The following PCDH9 variants were observed in gnomAD, a reference collection of about 807,000 sequenced individuals.
PCDH9 encodes protocadherin-9.
PCDH9 carries 24 observed loss-of-function variants against 70.6 expected under a neutral mutation model. The observed-to-expected ratio is 0.34, with a 90% confidence interval of 0.25 to 0.48. The LOEUF is 0.48. Ranked by LOEUF, PCDH9 falls within the 20% of genes least tolerant of loss-of-function variation. The pLI, the probability that PCDH9 is intolerant of heterozygous loss-of-function variation, is 0.99. For synonymous variants in PCDH9, 562 were observed against 558.5 expected (o/e 1.01, Z -0.09); for missense variants, 1,281 against 1,503.6 (o/e 0.85, Z 2.45).
chr13:66,632,101 G>T (rs993013246), intron 3 of PCDH9, among the ~76,000 whole-genome samples: 3 of 152,028 alleles, frequency 2.0e-5, no homozygotes, highest in African/African-American at 7.3e-5. Flanking sequence ...CACCATGTTG[G>T]CCAGGCTGAT....
chr13:67,067,253 AGTAT>A (rs1395285037), intron 2 of PCDH9, among the ~76,000 whole-genome samples: 4 of 152,220 alleles, frequency 2.6e-5, no homozygotes, highest in African/African-American at 9.6e-5. Context: ...CTCAGTAAGA[AGTAT>A]GTATGCCACA....
chr13:67,104,562 T>G (rs1027444719), intron 2 of PCDH9, among the ~76,000 whole-genome samples: 1 of 152,204 alleles, frequency 6.6e-6, no homozygotes, highest in African/African-American at 2.4e-5. Flanking sequence ...ATTTTTTTTT[T>G]TTTTGAGACG....
intron 4 of PCDH9, among the ~76,000 whole-genome samples, chr13:66,476,626 C>G (rs1958735379): frequency 6.6e-6 from 1 of 151,948 alleles, no homozygotes; most frequent in South Asian, 2.1e-4. Context: ...ATCTCTGTCA[C>G]AAAGTGGACA....
chr13:66,983,388 T>C (rs2083817039), intron 2 of PCDH9, among the ~76,000 whole-genome samples: 1 of 152,096 alleles, frequency 6.6e-6, no homozygotes, highest in Admixed American at 6.6e-5. Flanking sequence ...TTACTATCCA[T>C]TAGAGTTGGG....
chr13:66,675,223 C>A (rs934497319), intron 3 of PCDH9, among the ~76,000 whole-genome samples: 1 of 152,078 alleles, frequency 6.6e-6, no homozygotes, highest in Non-Finnish European at 1.5e-5. Flanking sequence ...AGTCACTAAA[C>A]ACAAGTGACA....
chr13:67,157,318 A>G (rs1239325463), intron 2 of PCDH9, among the ~76,000 whole-genome samples: 2 of 152,222 alleles, frequency 1.3e-5, no homozygotes, highest in Non-Finnish European at 2.9e-5. Flanking sequence ...ATTAAATTGC[A>G]AATTTCTTGG....
intron 2 of PCDH9, among the ~76,000 whole-genome samples, chr13:66,919,304 T>G (rs1397707800): frequency 1.3e-5 from 2 of 151,186 alleles, no homozygotes; most frequent in African/African-American, 2.4e-5. Flanking sequence ...TCTTCAGGCA[T>G]CTTAAAACAA....
intron 4 of PCDH9, among the ~76,000 whole-genome samples, chr13:66,375,770 T>C (rs1406917614): frequency 6.6e-6 from 1 of 152,098 alleles, no homozygotes; most frequent in Non-Finnish European, 1.5e-5. Context: ...TATAAAATCA[T>C]TATATCTGAG....
intron 3 of PCDH9, among the ~76,000 whole-genome samples, chr13:66,790,508 A>G (rs7998322): frequency 0.073 from 11,114 of 152,092 alleles, 1,321 homozygotes; most frequent in African/African-American, 0.25. Context: ...CTATGAAGAT[A>G]TATTTCTATA....
At chr13:66,390,359 T>C (rs1057117598) in intron 4 of PCDH9, among the ~76,000 whole-genome samples, 1 of 152,102 alleles carries the variant, frequency 6.6e-6, no homozygotes, top group Non-Finnish European at 1.5e-5. Flanking sequence ...TTAGATCACA[T>C]TCTCTACTAG....
chr13:66,895,782 T>G (rs560198551), intron 3 of PCDH9, among the ~76,000 whole-genome samples: 2 of 152,250 alleles, frequency 1.3e-5, no homozygotes, highest in Non-Finnish European at 1.5e-5. Context: ...ACACCTGTTT[T>G]GTACTCTACA....
At chr13:66,942,577 A>C (rs76445851) in intron 2 of PCDH9, among the ~76,000 whole-genome samples, 1 of 152,136 alleles carries the variant, frequency 6.6e-6, no homozygotes, top group Non-Finnish European at 1.5e-5. Flanking sequence ...TCAAAGTTTT[A>C]AGGAATTGTT....
At chr13:66,326,456 T>C (rs1262518427) in intron 4 of PCDH9, among the ~76,000 whole-genome samples, 1 of 149,930 alleles carries the variant, frequency 6.7e-6, no homozygotes, top group African/African-American at 2.5e-5. Context: ...TCTTGCTCCG[T>C]CGCCCAGGCT....
chr13:67,157,384 T>C (rs2087842910), intron 2 of PCDH9, among the ~76,000 whole-genome samples: 1 of 152,232 alleles, frequency 6.6e-6, no homozygotes, highest in Non-Finnish European at 1.5e-5. Context: ...AAGACATACA[T>C]ATACTAACTG....
At chr13:66,642,617 G>A (rs958011334) in intron 3 of PCDH9, among the ~76,000 whole-genome samples, 1 of 151,918 alleles carries the variant, frequency 6.6e-6, no homozygotes. Context: ...CAGCCTCAAG[G>A]TGTCAACACT....
chr13:66,737,390 G>T (rs1036887431), intron 3 of PCDH9, among the ~76,000 whole-genome samples: 5 of 152,156 alleles, frequency 3.3e-5, no homozygotes, highest in African/African-American at 1.2e-4. Context: ...TTAATTAAAA[G>T]TTATTGGTGG....
At chr13:66,740,979 T>G (rs1352431876) in intron 3 of PCDH9, among the ~76,000 whole-genome samples, 1 of 74,686 alleles carries the variant, frequency 1.3e-5, no homozygotes, top group African/African-American at 4.9e-5. Context: ...GAATCCTCCC[T>G]AACTCATTTT....
intron 3 of PCDH9, among the ~76,000 whole-genome samples, chr13:66,658,608 T>A (rs2077964081): frequency 6.6e-6 from 1 of 152,164 alleles, no homozygotes; most frequent in African/African-American, 2.4e-5. Context: ...AAACACTCAT[T>A]TGTTTATTCA....
intron 4 of PCDH9, among the ~76,000 whole-genome samples, chr13:66,509,978 T>C (rs1959388373): frequency 6.6e-6 from 1 of 152,200 alleles, no homozygotes; most frequent in Admixed American, 6.5e-5. Context: ...GCTTTCAAGG[T>C]AAGGAAATTT....
Sources: allele counts gnomAD v4.1 joint callset (sites outside exome capture counted in the v4.1 genomes callset), GRCh38; gene constraint gnomAD v4.1.1; transcripts MANE v1.5; gene names NCBI Gene and HGNC (gene_info 2026-07-23, HGNC 2026-07-21).